Variants in TVP23C observed in about 807,000 individuals in gnomAD.
The protein encoded by TVP23C is Golgi apparatus membrane protein TVP23 homolog C.
Under a neutral mutation model 28.7 loss-of-function variants are expected in TVP23C, and 19 were observed. The ratio of observed to expected loss-of-function variants is 0.66; its 90% CI spans 0.46 to 0.97. TVP23C has a LOEUF of 0.97. Among genes scored for constraint, TVP23C ranks in the 50% least tolerant of loss-of-function variants. TVP23C has a pLI of 0.00. For missense variants in TVP23C, 186 were observed against 241.3 expected (o/e 0.77, Z 1.52); for synonymous variants, 68 against 81.7 (o/e 0.83, Z 0.90).
intron 5 of TVP23C, among the ~76,000 whole-genome samples, chr17:15,507,734 G>A (rs2150827030): frequency 6.6e-6 from 1 of 152,248 alleles, no homozygotes; most frequent in South Asian, 2.1e-4. Context: ...AGCTACTCGG[G>A]AGGCTGATGC....
At position 15,503,331 on chromosome 17, in the gene TVP23C, G is replaced by A. The variant is rs558049472; in HGVS notation, c.463-99C>T. 4 of 1,396,104 alleles carry A rather than the reference G, an allele frequency of 2.9e-6. No homozygotes were observed. The South Asian group carries it at 4.6e-5, about 16-fold the overall frequency. 86.5% of individuals were successfully genotyped at this position (1,396,104 alleles called of 1,614,324 possible). On this transcript the variant is annotated intron_variant, in intron 5 of 5. Coordinates refer to the TVP23C transcript ENST00000225576. ...GAGATGGGAGGATCGCTTCAGCCCA[G>A]GAAGTCGAAGCTGCAATGAGCTGTG...
At chr17:15,523,096 G>A (rs1235821882) in intron 5 of TVP23C, among the ~76,000 whole-genome samples, 2 of 151,314 alleles carry the variant, frequency 1.3e-5, no homozygotes, top group East Asian at 3.9e-4. Context: ...TGCAACTTCT[G>A]CCTCCCGGGT....
intron 3 of TVP23C, among the ~76,000 whole-genome samples, chr17:15,547,761 C>A (rs577654197): frequency 6.6e-6 from 1 of 152,280 alleles, no homozygotes; most frequent in African/African-American, 2.4e-5. Context: ...CCATTACCAA[C>A]TGAGTTAAGT....
chr17:15,505,346 CAT>C (rs1460496715), intron 5 of TVP23C, among the ~76,000 whole-genome samples: 1 of 152,174 alleles, frequency 6.6e-6, no homozygotes, highest in African/African-American at 2.4e-5. Flanking sequence ...CTGTGGAGCA[CAT>C]GTCAATTCTC....
At chr17:15,532,222 C>A (rs1490483636), downstream of TVP23C, among the ~76,000 whole-genome samples, 2 of 152,298 alleles carry the variant, frequency 1.3e-5, no homozygotes, top group African/African-American at 2.4e-5. Flanking sequence ...CCATGTCAGG[C>A]AACTGTGCTA....
chr17:15,510,083 TGTG>T (rs1377130525), intron 5 of TVP23C, among the ~76,000 whole-genome samples: 2 of 152,176 alleles, frequency 1.3e-5, no homozygotes, highest in African/African-American at 4.8e-5. Flanking sequence ...ATGAATGACA[TGTG>T]GTGGCCAGCT....
intron 1 of TVP23C, among the ~76,000 whole-genome samples, chr17:15,559,752 G>A (rs969951274): frequency 1.4e-5 from 2 of 146,942 alleles, no homozygotes; most frequent in African/African-American, 4.9e-5. Flanking sequence ...ATTTGCTGAT[G>A]GACTGACTGA....
intron 5 of TVP23C, among the ~76,000 whole-genome samples, chr17:15,523,532 C>T (rs1345625790): frequency 6.6e-6 from 1 of 150,976 alleles, no homozygotes; most frequent in African/African-American, 2.4e-5. Flanking sequence ...TAGTCTTGAA[C>T]TCTTGACCTC....
chr17:15,535,011 G>A (rs1044776970), downstream of TVP23C, among the ~76,000 whole-genome samples: 2 of 147,142 alleles, frequency 1.4e-5, no homozygotes, highest in Non-Finnish European at 3.0e-5. Context: ...CATTTTACTA[G>A]CACCATTCAG....
intron 5 of TVP23C, among the ~76,000 whole-genome samples, chr17:15,529,043 A>C (rs777875526): frequency 6.6e-6 from 1 of 152,178 alleles, no homozygotes; most frequent in Non-Finnish European, 1.5e-5. Context: ...CTAGCAAAGC[A>C]ACTCAGTTTT....
chr17:15,548,531 GACA>G (rs1209519985), intron 3 of TVP23C, among the ~76,000 whole-genome samples: 7 of 152,058 alleles, frequency 4.6e-5, no homozygotes, highest in Non-Finnish European at 5.9e-5. Flanking sequence ...TATGAATGTA[GACA>G]ACAAACTATG....
intron 5 of TVP23C, among the ~76,000 whole-genome samples, chr17:15,542,381 A>G (rs1477307748): frequency 6.6e-6 from 1 of 152,194 alleles, no homozygotes; most frequent in Non-Finnish European, 1.5e-5. Context: ...TCTTAAGAGA[A>G]GTGAGGAGGT....
At chr17:15,544,195 C>T (rs1420939661) in intron 5 of TVP23C, among the ~76,000 whole-genome samples, 1 of 152,004 alleles carries the variant, frequency 6.6e-6, no homozygotes, top group Non-Finnish European at 1.5e-5. Context: ...CAAACTGTGA[C>T]CCAAGAATAT....
chr17:15,531,512 G>C (rs1982950250), intron 5 of TVP23C, among the ~76,000 whole-genome samples: 1 of 152,002 alleles, frequency 6.6e-6, no homozygotes, highest in African/African-American at 2.4e-5. Flanking sequence ...TCCTCGGACT[G>C]GATAATTACA....
At chr17:15,559,695 G>A (rs1984295420) in intron 1 of TVP23C, among the ~76,000 whole-genome samples, 4 of 148,944 alleles carry the variant, frequency 2.7e-5, no homozygotes. Context: ...TGCAGTGGAG[G>A]TGATGAGAAA....
intron 5 of TVP23C, among the ~76,000 whole-genome samples, chr17:15,524,882 C>A (rs1405692517): frequency 6.6e-6 from 1 of 152,240 alleles, no homozygotes; most frequent in Non-Finnish European, 1.5e-5. Context: ...AGACACAGTG[C>A]ATGAGCAGTG....
chr17:15,527,909 G>C (rs1982793941), intron 5 of TVP23C, among the ~76,000 whole-genome samples: 1 of 152,312 alleles, frequency 6.6e-6, no homozygotes, highest in South Asian at 2.1e-4. Context: ...CAAAAAATAG[G>C]TGTAAAGTGA....
intron 5 of TVP23C, among the ~76,000 whole-genome samples, chr17:15,526,141 T>C (rs1982717440): frequency 6.6e-6 from 1 of 152,136 alleles, no homozygotes; most frequent in Admixed American, 6.5e-5. Context: ...ACACAGTTGC[T>C]GTAGACCACT....
chr17:15,543,755 T>C (rs1163940871), intron 5 of TVP23C, among the ~76,000 whole-genome samples: 1 of 151,406 alleles, frequency 6.6e-6, no homozygotes, highest in Admixed American at 6.6e-5. Flanking sequence ...TACTGTCCCC[T>C]AACTTGTCCC....
Sources: gnomAD v4.1 joint callset for allele counts (sites outside exome capture counted in the v4.1 genomes callset) on GRCh38, gnomAD v4.1.1 for gene constraint, MANE v1.5 for transcripts, NCBI Gene and HGNC (gene_info 2026-07-23, HGNC 2026-07-21) for gene names.